ZEB1: variants seen among roughly 807,000 people sequenced by gnomAD.
ZEB1 encodes the protein zinc finger E-box-binding homeobox 1.
Under a neutral mutation model 84.9 loss-of-function variants are expected in ZEB1, and 21 were observed. The observed-to-expected ratio is 0.25, with a 90% CI of 0.18 to 0.36. ZEB1 has a LOEUF of 0.36. Among genes scored for constraint, ZEB1 ranks in the 10% least tolerant of loss-of-function variants. The pLI, the probability that ZEB1 is intolerant of heterozygous loss-of-function variation, is 1.00. For synonymous variants in ZEB1, 420 were observed against 471.1 expected, an observed-to-expected ratio of 0.89 and a Z score of 1.41; for missense variants, 1,104 against 1,330.2, an observed-to-expected ratio of 0.83 and a Z score of 2.65.
At chr10:31,364,653 A>G (rs1048919342) in intron 1 of ZEB1, among the ~76,000 whole-genome samples, 2 of 152,150 alleles carry the variant, frequency 1.3e-5, no homozygotes, top group African/African-American at 4.8e-5. Context: ...TGCACCTCTT[A>G]CCACATGCCT....
At chr10:31,471,606 A>G (rs1214283401) in intron 2 of ZEB1, among the ~76,000 whole-genome samples, 1 of 142,798 alleles carries the variant, frequency 7.0e-6, no homozygotes, top group East Asian at 2.0e-4. Flanking sequence ...CCACACATTA[A>G]TAATGGGAGA....
chr10:31,361,191 T>G (rs188272374), intron 1 of ZEB1: 21 of 1,611,854 alleles, frequency 1.3e-5, no homozygotes, highest in Non-Finnish European at 1.6e-5. Flanking sequence ...ACCATCCTGC[T>G]CTCAACTACA....
At chr10:31,337,949 T>C (rs928309369) in intron 1 of ZEB1, among the ~76,000 whole-genome samples, 2 of 152,072 alleles carry the variant, frequency 1.3e-5, no homozygotes, top group Non-Finnish European at 2.9e-5. Flanking sequence ...TCCCATAGTG[T>C]TGGGATTACA....
At chr10:31,394,992 A>G (rs1590794475) in intron 1 of ZEB1, among the ~76,000 whole-genome samples, 1 of 152,148 alleles carries the variant, frequency 6.6e-6, no homozygotes, top group Non-Finnish European at 1.5e-5. Flanking sequence ...GGCAGGGGTT[A>G]ATGGCAGTGC....
chr10:31,523,726 C>T (rs186928446), intron 7 of ZEB1, among the ~76,000 whole-genome samples: 18 of 152,346 alleles, frequency 1.2e-4, no homozygotes, highest in Non-Finnish European at 2.2e-4. Context: ...TTATCCCCAA[C>T]CTCACTCTTG....
intron 1 of ZEB1, chr10:31,355,050 CT>C (rs1378628911): frequency 6.6e-6 from 1 of 151,982 alleles, no homozygotes; most frequent in Non-Finnish European, 1.5e-5. Context: ...CTTTTGATAT[CT>C]TTGGTAAGAC....
Position 31,502,246 on chromosome 10 carries a change from A to AAC in ZEB1, c.323-100_323-99dup, listed in dbSNP as rs2068254146. ...AAGAAATATTTTCTGCAGATTCAAGAACAATCATATGTTCTCTCAAGATAA... is the reference window on the plus strand; with the variant it reads ...AAGAAATATTTTCTGCAGATTCAAGAACACAATCATATGTTCTCTCAAGATAA... On this transcript the variant is annotated intron_variant, in intron 3 of 8. Coordinates refer to ENST00000424869, the MANE Select transcript of ZEB1 (RefSeq NM_001174096.2). 5.0e-6 allele frequency: 6 copies of AAC among 1,202,350 alleles called. No homozygotes were observed. In the Admixed American group the frequency reaches 9.6e-5, roughly 19 times the overall value. The allele number at this position is 1,202,350 out of a possible 1,614,324, so 74.5% of individuals were successfully genotyped here. A position where few individuals can be genotyped will look rare whatever the true frequency, so the allele number is the denominator to read the frequency against.
intron 1 of ZEB1, among the ~76,000 whole-genome samples, chr10:31,343,652 T>C (rs1173651165): frequency 6.6e-6 from 1 of 152,086 alleles, no homozygotes; most frequent in Non-Finnish European, 1.5e-5. Context: ...TGTTATAAAA[T>C]GTGTTTGTAT....
chr10:31,361,578 C>G (rs568101551), intron 1 of ZEB1, among the ~76,000 whole-genome samples: 1 of 152,276 alleles, frequency 6.6e-6, no homozygotes, highest in African/African-American at 2.4e-5. Flanking sequence ...CGGGTGGGGG[C>G]ACTCCTCACT....
intron 1 of ZEB1, among the ~76,000 whole-genome samples, chr10:31,390,606 CCA>C (rs2049455951): frequency 6.6e-6 from 1 of 152,126 alleles, no homozygotes; most frequent in African/African-American, 2.4e-5. Flanking sequence ...TTGACAGTAA[CCA>C]CAGCAGTTTT....
intron 1 of ZEB1, among the ~76,000 whole-genome samples, chr10:31,324,349 A>G (rs1020048726): frequency 2.6e-5 from 4 of 152,056 alleles, no homozygotes; most frequent in African/African-American, 9.7e-5. Flanking sequence ...TTTTTAAAAT[A>G]AGAGCATAAT....
intron 1 of ZEB1, among the ~76,000 whole-genome samples, chr10:31,340,869 G>A (rs2039217534): frequency 6.6e-6 from 1 of 152,002 alleles, no homozygotes; most frequent in African/African-American, 2.4e-5. Context: ...GAGGGCCCAG[G>A]GGAATAGGAA....
chr10:31,473,162 C>CA (rs1565016915), intron 2 of ZEB1, among the ~76,000 whole-genome samples: 5 of 150,570 alleles, frequency 3.3e-5, no homozygotes, highest in African/African-American at 1.2e-4. Context: ...ACAGGGATGC[C>CA]CTCTCTCACC....
chr10:31,398,446 C>T (rs942782446), intron 1 of ZEB1, among the ~76,000 whole-genome samples: 5 of 151,592 alleles, frequency 3.3e-5, no homozygotes, highest in African/African-American at 4.9e-5. Context: ...GCAATTCTGC[C>T]TTCTCTCTCT....
chr10:31,507,986 G>GT (rs2069270109), intron 4 of ZEB1, among the ~76,000 whole-genome samples: 1 of 152,274 alleles, frequency 6.6e-6, no homozygotes, highest in East Asian at 1.9e-4. Flanking sequence ...CATTGGTTGA[G>GT]TAGGGCACTT....
At chr10:31,410,067 G>T (rs888014708) in intron 1 of ZEB1, among the ~76,000 whole-genome samples, 3 of 152,164 alleles carry the variant, frequency 2.0e-5, no homozygotes, top group African/African-American at 7.2e-5. Flanking sequence ...TGGTGAGAGA[G>T]GGCATCCTTG....
intron 2 of ZEB1, among the ~76,000 whole-genome samples, chr10:31,482,174 A>G (rs1009216081): frequency 6.6e-6 from 1 of 152,042 alleles, no homozygotes; most frequent in African/African-American, 2.4e-5. Flanking sequence ...GTGACATACC[A>G]TGTGCCACTA....
chr10:31,336,954 C>T (rs1443765320), intron 1 of ZEB1, among the ~76,000 whole-genome samples: 2 of 152,070 alleles, frequency 1.3e-5, no homozygotes, highest in Non-Finnish European at 2.9e-5. Context: ...CACTATGACC[C>T]AGTATTCCTA....
intron 1 of ZEB1, among the ~76,000 whole-genome samples, chr10:31,401,906 G>GA (rs2052096821): frequency 6.6e-6 from 1 of 151,722 alleles, no homozygotes; most frequent in Non-Finnish European, 1.5e-5. Context: ...TAATTGCACA[G>GA]AGACAAGAAA....
Sources: allele counts gnomAD v4.1 joint callset (sites outside exome capture counted in the v4.1 genomes callset), GRCh38; gene constraint gnomAD v4.1.1; transcripts MANE v1.5; gene names NCBI Gene and HGNC (gene_info 2026-07-23, HGNC 2026-07-21).